Variants in FAM135A observed in about 807,000 individuals in gnomAD.
The protein encoded by FAM135A is protein FAM135A.
FAM135A carries 79 observed loss-of-function variants against 146.8 expected under a neutral mutation model. The observed-to-expected ratio is 0.54, with a 90% CI of 0.45 to 0.65. The LOEUF (loss-of-function observed/expected upper bound fraction) is 0.65. FAM135A is among the 30% of genes least tolerant of loss of function. The probability of loss-of-function intolerance (pLI) is 0.00; values close to 1 mark genes in which losing one functional copy is unlikely to be tolerated. For synonymous variants in FAM135A, 562 were observed against 603.6 expected (o/e 0.93, Z 1.01); for missense variants, 1,623 against 1,758.2 (o/e 0.92, Z 1.38).
At chr6:70,520,562 C>G (rs1793336768) in intron 12 of FAM135A, among the ~76,000 whole-genome samples, 1 of 152,028 alleles carries the variant, frequency 6.6e-6, no homozygotes, top group Non-Finnish European at 1.5e-5. Flanking sequence ...TGTCTTCCTC[C>G]TAGCTTTTGA....
chr6:70,465,499 G>A (rs905756926), intron 5 of FAM135A, among the ~76,000 whole-genome samples: 1 of 152,038 alleles, frequency 6.6e-6, no homozygotes, highest in African/African-American at 2.4e-5. Flanking sequence ...AAGGCTCACT[G>A]CCCTCGACCT....
chr6:70,477,523 A>C (rs1782858968), intron 8 of FAM135A, among the ~76,000 whole-genome samples, 191 bp downstream of exon 8: 1 of 152,114 alleles, frequency 6.6e-6, no homozygotes, highest in Admixed American at 6.6e-5. Flanking sequence ...GGCAGAAATC[A>C]AAGGGGGAGC....
intron 2 of FAM135A, among the ~76,000 whole-genome samples, chr6:70,420,134 G>A (rs528161553): frequency 6.6e-6 from 1 of 152,260 alleles, no homozygotes; most frequent in Admixed American, 6.5e-5. Flanking sequence ...AAGCAGTACC[G>A]TTTTTCCTTA....
At chr6:70,556,038 C>A (rs1297699076) in intron 20 of FAM135A, among the ~76,000 whole-genome samples, 2 of 151,964 alleles carry the variant, frequency 1.3e-5, no homozygotes, top group African/African-American at 4.8e-5. Flanking sequence ...ACTTTGAGGC[C>A]AGGAGTTCAA....
At chr6:70,517,501 C>T (rs1035742012) in intron 12 of FAM135A, among the ~76,000 whole-genome samples, 2 of 151,048 alleles carry the variant, frequency 1.3e-5, no homozygotes, top group Admixed American at 6.6e-5. Context: ...TCACTGCAAC[C>T]TCTGCCTCCC....
In FAM135A at chr6:70,525,202, A is replaced by C; in HGVS notation, c.2118A>C (p.Lys706Asn). ...FESLESNGKS[K>N]SIEITFEKEA... ...CCTTAGAATCTAATGGTAAATCTAAATCTATAGAAATAACATTTGAAAAGG... is the reference window on the plus strand; with the variant it reads ...CCTTAGAATCTAATGGTAAATCTAACTCTATAGAAATAACATTTGAAAAGG... The change falls in exon 15 of 22, where the codon AAA (lysine) becomes AAC (asparagine). Residue 706 changes from lysine (K) to asparagine (N), a missense_variant. Around this residue, in one of 7 missense-constraint regions of FAM135A, gnomAD observed 1,061 missense variants for 1,113.8 expected, o/e 0.95. Coordinates refer to ENST00000418814, the MANE Select transcript of FAM135A (RefSeq NM_001162529.3). 6.3e-7 allele frequency: 1 copy of C among 1,597,722 alleles called. No homozygotes were observed. Among genetic ancestry groups the C allele is most frequent in the South Asian group, 1.1e-5 (1 of 87,354 alleles).
intron 11 of FAM135A, among the ~76,000 whole-genome samples, chr6:70,496,447 G>T (rs1236049186): frequency 6.7e-6 from 1 of 148,216 alleles, no homozygotes; most frequent in African/African-American, 2.6e-5. Context: ...CTCCCATTCT[G>T]TAGGTTGCCT....
At chr6:70,548,068 T>G (rs1211087213) in intron 20 of FAM135A, among the ~76,000 whole-genome samples, 1 of 152,218 alleles carries the variant, frequency 6.6e-6, no homozygotes, top group Non-Finnish European at 1.5e-5. Flanking sequence ...CAGACATTTT[T>G]GTTGGCTGTA....
At chr6:70,436,646 G>T (rs896092282) in intron 4 of FAM135A, among the ~76,000 whole-genome samples, 2 of 152,028 alleles carry the variant, frequency 1.3e-5, no homozygotes, top group Non-Finnish European at 2.9e-5. Context: ...AATCATAATT[G>T]CCAATGTGTA....
chr6:70,457,805 G>A (rs182678215), intron 5 of FAM135A, among the ~76,000 whole-genome samples: 1 of 152,178 alleles, frequency 6.6e-6, no homozygotes, highest in East Asian at 1.9e-4. Flanking sequence ...ATGTTATTTT[G>A]ACATGACAAA....
At chr6:70,479,655 A>G (rs1402519529) in intron 8 of FAM135A, among the ~76,000 whole-genome samples, 5 of 152,116 alleles carry the variant, frequency 3.3e-5, no homozygotes, top group African/African-American at 1.2e-4. Context: ...CCTACTCTAT[A>G]TTCTTCAACA....
At chr6:70,459,312 A>T (rs1373294282) in intron 5 of FAM135A, among the ~76,000 whole-genome samples, 2 of 152,180 alleles carry the variant, frequency 1.3e-5, no homozygotes, top group African/African-American at 4.8e-5. Flanking sequence ...TCTGTCTGTG[A>T]GTTACAGTGG....
rs555560696 is a variant in FAM135A, at chr6:70,425,971, C to T, written c.-133-468C>T. 1.6e-4 allele frequency among the ~76,000 whole-genome samples: 24 copies of T among 152,052 alleles called. No homozygotes were observed. The South Asian group carries it at 3.3e-3, about 21-fold the overall frequency. On this transcript the variant is annotated intron_variant, in intron 2 of 21. Coordinates refer to ENST00000418814, the MANE Select transcript of FAM135A (RefSeq NM_001162529.3). Reference sequence around the variant, plus strand: ...ACAAAAAATTAGCCGGGCGCGGTGGCGGGCGCCTGTAGTCCCAGCTACTCG... The same window carrying T: ...ACAAAAAATTAGCCGGGCGCGGTGGTGGGCGCCTGTAGTCCCAGCTACTCG...
intron 12 of FAM135A, among the ~76,000 whole-genome samples, chr6:70,511,715 A>G (rs1791032060): frequency 6.6e-6 from 1 of 151,858 alleles, no homozygotes; most frequent in Non-Finnish European, 1.5e-5. Context: ...AGGTGATTTC[A>G]TCATTGTGTG....
intron 4 of FAM135A, among the ~76,000 whole-genome samples, chr6:70,442,522 C>T (rs1465739092): frequency 6.6e-6 from 1 of 151,918 alleles, no homozygotes; most frequent in East Asian, 1.9e-4. Flanking sequence ...CATAGGTAAC[C>T]ATTTTATTTT....
intron 4 of FAM135A, among the ~76,000 whole-genome samples, chr6:70,444,705 G>A (rs1181354374): frequency 1.3e-5 from 2 of 152,168 alleles, no homozygotes; most frequent in Non-Finnish European, 2.9e-5. Flanking sequence ...TTAAAATAAT[G>A]TGTATATTTG....
Position 70,475,644 on chromosome 6 carries a change from TA to T in FAM135A, c.298-18del. 6.2e-7 allele frequency: 1 copy of T among 1,600,722 alleles called. No individual in the cohort carries two copies. Reference sequence around the variant, plus strand: ...CTATAAAATTTCAAAAAGTATCTCATAGTGTAATTTCTTTTCAGATTGAAGA... The same window carrying T: ...CTATAAAATTTCAAAAAGTATCTCATGTGTAATTTCTTTTCAGATTGAAGA... On this transcript the variant is annotated intron_variant, in intron 6 of 21. Coordinates refer to ENST00000418814, the MANE Select transcript of FAM135A (RefSeq NM_001162529.3).
At chr6:70,545,545 T>C (rs1468546507) in intron 20 of FAM135A, among the ~76,000 whole-genome samples, 1 of 151,706 alleles carries the variant, frequency 6.6e-6, no homozygotes, top group African/African-American at 2.4e-5. Context: ...AACCCAGGAG[T>C]TGGAGGCCTG....
chr6:70,446,694 G>T lies in FAM135A; in HGVS notation c.78-5798G>T, dbSNP rs577367658. On this transcript the variant is annotated intron_variant, in intron 4 of 21. Coordinates refer to ENST00000418814, the MANE Select transcript of FAM135A (RefSeq NM_001162529.3). ...TGAGGCATTATTACCGGCCAAGATTGATAAATATGCCCAATAAGGATAATT... is the reference window on the plus strand; with the variant it reads ...TGAGGCATTATTACCGGCCAAGATTTATAAATATGCCCAATAAGGATAATT... 2.0e-5 allele frequency among the ~76,000 whole-genome samples: 3 copies of T among 152,262 alleles called. No homozygotes were observed. In the East Asian group the frequency reaches 5.8e-4, roughly 29 times the overall value.
Sources: allele counts gnomAD v4.1 joint callset (sites outside exome capture counted in the v4.1 genomes callset), GRCh38; gene constraint gnomAD v4.1.1; regional missense constraint gnomAD v4.1.1; transcripts MANE v1.5; gene names NCBI Gene and HGNC (gene_info 2026-07-23, HGNC 2026-07-21).